NRXN1: variants seen among roughly 807,000 people sequenced by gnomAD.
NRXN1 encodes the protein neurexin 1.
In NRXN1, 39 loss-of-function variants were observed where a neutral mutation model predicts 150.9. That is an observed-to-expected ratio of 0.26 (90% CI 0.20 to 0.34). The LOEUF is 0.34. Among genes scored for constraint, NRXN1 ranks in the 10% least tolerant of loss-of-function variants. The pLI, the probability that NRXN1 is intolerant of heterozygous loss-of-function variation, is 1.00. For synonymous variants in NRXN1, 924 were observed against 757.0 expected (o/e 1.22, Z -3.62); for missense variants, 1,815 against 1,949.9 (o/e 0.93, Z 1.30).
At chr2:50,434,627 A>G (rs903842316) in intron 17 of NRXN1, among the ~76,000 whole-genome samples, 1 of 152,144 alleles carries the variant, frequency 6.6e-6, no homozygotes, top group Non-Finnish European at 1.5e-5. Flanking sequence ...TTAAGAGTCT[A>G]TTCTTATCTG....
intron 21 of NRXN1, among the ~76,000 whole-genome samples, chr2:50,039,939 T>C (rs1690663741): frequency 6.6e-6 from 1 of 152,134 alleles, no homozygotes; most frequent in Admixed American, 6.5e-5. Context: ...CTCCTTTGAG[T>C]AGTCCAGGTA....
intron 21 of NRXN1, among the ~76,000 whole-genome samples, chr2:49,971,636 A>G (rs1185433880): frequency 6.6e-5 from 10 of 152,206 alleles, no homozygotes; most frequent in African/African-American, 1.4e-4. Flanking sequence ...ATATCTGTCC[A>G]AAGATCGGTC....
chr2:50,295,017 A>G (rs781424255), intron 17 of NRXN1, among the ~76,000 whole-genome samples: 2 of 152,184 alleles, frequency 1.3e-5, no homozygotes, highest in Non-Finnish European at 2.9e-5. Context: ...TGGGCAAACT[A>G]TATTAACTAT....
chr2:50,134,750 A>C (rs189149308), intron 18 of NRXN1, among the ~76,000 whole-genome samples: 1 of 152,076 alleles, frequency 6.6e-6, no homozygotes, highest in Non-Finnish European at 1.5e-5. Context: ...AGTGAAGTCT[A>C]TTTTACCCCT....
intron 5 of NRXN1, among the ~76,000 whole-genome samples, chr2:50,669,192 T>C (rs1688485538): frequency 6.6e-6 from 1 of 151,984 alleles, no homozygotes; most frequent in Non-Finnish European, 1.5e-5. Context: ...AGGCTCAGTC[T>C]TACTTTAGTT....
intron 5 of NRXN1, among the ~76,000 whole-genome samples, chr2:50,761,687 G>A (rs1234750909): frequency 1.3e-5 from 2 of 151,868 alleles, no homozygotes; most frequent in Non-Finnish European, 2.9e-5. Flanking sequence ...CTGTGAGGAT[G>A]TTGCCAAAAG....
chr2:50,587,568 G>C (rs1673379174), intron 8 of NRXN1, among the ~76,000 whole-genome samples: 1 of 152,140 alleles, frequency 6.6e-6, no homozygotes, highest in African/African-American at 2.4e-5. Context: ...GATATGCTAG[G>C]TGAAGTTAAG....
intron 12 of NRXN1, 186 bp from the exon 13 acceptor site, chr2:50,506,803 C>T: frequency 1.7e-6 from 1 of 598,974 alleles, no homozygotes; most frequent in Non-Finnish European, 2.9e-6. Context: ...GACCAATTTT[C>T]AAGCCCATTA....
chr2:50,864,500 A>C (rs1166497654), intron 5 of NRXN1, among the ~76,000 whole-genome samples: 2 of 152,070 alleles, frequency 1.3e-5, no homozygotes, highest in Non-Finnish European at 2.9e-5. Flanking sequence ...AATAATAACA[A>C]CCATTGTCAT....
At chr2:50,631,164 A>G in intron 5 of NRXN1, 1 of 426,294 alleles carries the variant, frequency 2.3e-6, no homozygotes, top group East Asian at 8.0e-5. Context: ...AAAATATTCT[A>G]AAATTACCAA....
At chr2:50,933,287 A>G (rs140281202) in intron 2 of NRXN1, among the ~76,000 whole-genome samples, 72 of 152,250 alleles carry the variant, frequency 4.7e-4, no homozygotes, top group African/African-American at 1.6e-3. Flanking sequence ...TTTTGTTCAA[A>G]GCCAAATATT....
intron 5 of NRXN1, among the ~76,000 whole-genome samples, chr2:50,844,344 C>T (rs1477428894): frequency 6.6e-6 from 1 of 152,190 alleles, no homozygotes; most frequent in African/African-American, 2.4e-5. Flanking sequence ...AATAACAAAA[C>T]TTTCTTCCCT....
At chr2:50,485,311 C>T (rs979726279) in intron 15 of NRXN1, among the ~76,000 whole-genome samples, 7 of 152,150 alleles carry the variant, frequency 4.6e-5, no homozygotes, top group African/African-American at 1.7e-4. Flanking sequence ...CCCTCAGCTA[C>T]ATTAAGGAAA....
chr2:50,108,093 C>T (rs1452768), intron 18 of NRXN1, among the ~76,000 whole-genome samples: 35,005 of 151,564 alleles, frequency 0.23, 4,224 homozygotes, highest in East Asian at 0.3. Flanking sequence ...GGAAAAATAT[C>T]CAAGAACTAG....
chr2:50,400,834 A>G (rs2082345188), intron 17 of NRXN1, among the ~76,000 whole-genome samples: 1 of 152,224 alleles, frequency 6.6e-6, no homozygotes, highest in African/African-American at 2.4e-5. Context: ...AACTGAAGAT[A>G]TGAATATGTT....
chr2:50,754,297 C>T (rs775016848), intron 5 of NRXN1, among the ~76,000 whole-genome samples: 1 of 151,754 alleles, frequency 6.6e-6, no homozygotes, highest in African/African-American at 2.4e-5. Flanking sequence ...TACACACATC[C>T]TCTTATTATT....
At chr2:50,610,152 A>T (rs1677794337) in intron 8 of NRXN1, among the ~76,000 whole-genome samples, 1 of 152,174 alleles carries the variant, frequency 6.6e-6, no homozygotes, top group Non-Finnish European at 1.5e-5. Flanking sequence ...ATCTCATAAT[A>T]GAAATTAAGA....
chr2:50,157,322 C>G (rs772845913), intron 18 of NRXN1, among the ~76,000 whole-genome samples: 2 of 152,054 alleles, frequency 1.3e-5, no homozygotes, highest in Non-Finnish European at 2.9e-5. Context: ...GCGTTTTCAC[C>G]AGTCATTCAG....
At chr2:50,657,297 T>A (rs568729943) in intron 5 of NRXN1, among the ~76,000 whole-genome samples, 1 of 152,028 alleles carries the variant, frequency 6.6e-6, no homozygotes, top group South Asian at 2.1e-4. Context: ...CTCTCCAACA[T>A]GTTATTCACT....
Sources: gnomAD v4.1 joint callset for allele counts (sites outside exome capture counted in the v4.1 genomes callset) on GRCh38, gnomAD v4.1.1 for gene constraint, MANE v1.5 for transcripts, NCBI Gene and HGNC (gene_info 2026-07-23, HGNC 2026-07-21) for gene names.